Variants in ORC1 observed in about 807,000 individuals in gnomAD.
ORC1 encodes origin recognition complex, subunit 1 homolog.
Under a neutral mutation model 98.9 loss-of-function variants are expected in ORC1, and 61 were observed. The observed-to-expected ratio is 0.62, with a 90% CI of 0.50 to 0.76. The LOEUF is 0.76. Ranked by LOEUF, ORC1 falls within the 30% of genes least tolerant of loss-of-function variation. ORC1 has a pLI of 0.00. For synonymous variants in ORC1, 385 were observed against 406.9 expected, an observed-to-expected ratio of 0.95 and a Z score of 0.65; for missense variants, 979 against 1,072.2, an observed-to-expected ratio of 0.91 and a Z score of 1.21.
intron 3 of ORC1, among the ~76,000 whole-genome samples, chr1:52,399,593 C>T (rs1483335999): frequency 1.5e-5 from 2 of 135,726 alleles, no homozygotes; most frequent in East Asian, 2.1e-4. Flanking sequence ...CACTGCACTC[C>T]AGACTGGGCG....
In ORC1 at chr1:52,396,264, A is replaced by G. The variant is rs1569949027; in HGVS notation, c.503T>C (p.Leu168Pro). Residue 168 changes from leucine to proline, a missense_variant, in exon 5 of 17, where the codon CTT (leucine) becomes CCT (proline). By Grantham distance (98) the Leu-to-Pro change is moderately conservative. Coordinates refer to ENST00000371568, the MANE Select transcript of ORC1 (RefSeq NM_004153.4). ...CAACTCCGCAAATAGTTCTGAGGAA[A>G]GTGGCCTGAATTTCTTCTCATTCCA... ...LSWNEKKFRP[L>P]SSELFAELNK... 2.5e-6 allele frequency: 4 copies of G among 1,614,222 alleles called. No individual in the cohort carries two copies. Among genetic ancestry groups the G allele is most frequent in the Non-Finnish European group, 3.4e-6 (4 of 1,180,040 alleles).
chr1:52,409,443 T>C, the ORC1 span: 7 of 152,360 alleles, frequency 4.6e-5, no homozygotes, highest in Non-Finnish European at 8.8e-5. Context: ...AAACCCTATA[T>C]CTACTAAAAC....
chr1:52,401,578 A>T, intron 2 of ORC1, 89 bp from the exon 3 acceptor site: 1 of 1,474,440 alleles, frequency 6.8e-7, no homozygotes, highest in South Asian at 1.1e-5. Flanking sequence ...AGGGCTCTCC[A>T]ATCCTGATTT....
intron 3 of ORC1, 54 bp downstream of exon 3, chr1:52,401,308 A>G (rs1647693378): frequency 2.5e-6 from 4 of 1,609,142 alleles, no homozygotes; most frequent in Non-Finnish European, 3.4e-6. Context: ...CAATCTCCCC[A>G]CCTCCCAATC....
At chr1:52,403,545 G>A (rs1647833053) in intron 1 of ORC1, among the ~76,000 whole-genome samples, 2 of 152,186 alleles carry the variant, frequency 1.3e-5, no homozygotes, top group Non-Finnish European at 2.9e-5. Context: ...GCAGAGACGA[G>A]GGTACTATTA....
chr1:52,376,833 CAAG>C (rs1557568738), intron 14 of ORC1, among the ~76,000 whole-genome samples: 1 of 152,074 alleles, frequency 6.6e-6, no homozygotes, highest in Non-Finnish European at 1.5e-5. Flanking sequence ...AAGGGAGACA[CAAG>C]AAGAAGCTAA....
Position 52,404,389 on chromosome 1 carries a change from GT to G in ORC1, c.-150del. 5.4e-6 allele frequency: 1 copy of G among 185,174 alleles called. No individual in the cohort carries two copies. The highest frequency in any genetic ancestry group is 5.6e-5 in the Admixed American group (1 of 17,802). The allele number at this position is 185,174 out of a possible 1,614,324, so 11.5% of individuals were successfully genotyped here. On this transcript the variant is annotated 5_prime_UTR_variant, in exon 1 of 17. Transcript: ENST00000371568. ...ACGGGCCGAAAGCCAGGACCAAAGC[GT>G]GTGTCTCACTAGAAATGAAAAGAAG...
At position 52,397,702 on chromosome 1, in the gene ORC1, T is replaced by C. The variant is rs768190281; in HGVS notation, c.385A>G (p.Ile129Val). The change falls in exon 4 of 17, where the codon ATC becomes GTC. Residue 129 changes from isoleucine to valine, a missense_variant. Ile to Val is a conservative substitution (Grantham distance 29). Coordinates refer to ENST00000371568, the MANE Select transcript of ORC1 (RefSeq NM_004153.4). ...TCACCTACCCGAACAAGGCCAATGATGGTCTCCGCATTAATGTTGCTGTCA... is the reference window on the plus strand; with the variant it reads ...TCACCTACCCGAACAAGGCCAATGACGGTCTCCGCATTAATGTTGCTGTCA... ...ACDSNINAET[I>V]IGLVRVIPLA... The C allele has an allele frequency of 1.9e-6, 3 of 1,614,178 alleles. No individual in the cohort carries two copies. Among genetic ancestry groups the C allele is most frequent in the Non-Finnish European group, 2.5e-6 (3 of 1,180,010 alleles).
Position 52,374,896 on chromosome 1 carries a change from T to C in ORC1, c.2305A>G (p.Asn769Asp). 1 of 1,609,906 alleles carries C rather than the reference T, an allele frequency of 6.2e-7. No homozygotes were observed. The highest frequency in any genetic ancestry group is 8.5e-7 in the Non-Finnish European group (1 of 1,176,190). ...AAGCTCTGTTCCAGAACAGAGGAAT[T>C]TCTTAAAGGAAACGAGGGGATGTGA... is the stretch of plus-strand genomic sequence containing the variant. ...FSSSYITAIK[N>D]SSVLEQSFLR... The change falls in exon 16 of 17, where the codon AAT (asparagine) becomes GAT (aspartate). Residue 769 changes from asparagine (N) to aspartate (D), a missense_variant and splice_region_variant. By Grantham distance (23) the Asn-to-Asp change is conservative (BLOSUM62 1). Coordinates refer to ENST00000371568, the MANE Select transcript of ORC1 (RefSeq NM_004153.4).
chr1:52,399,691 C>CCAG (rs1284471159), intron 3 of ORC1, among the ~76,000 whole-genome samples: 4 of 151,278 alleles, frequency 2.6e-5, no homozygotes, highest in Non-Finnish European at 5.9e-5. Context: ...GCCTGTCATC[C>CCAG]CAGCTACTTG....
chr1:52,384,705 C>A lies in ORC1; in HGVS notation c.1600G>T (p.Gly534Cys). The A allele has an allele frequency of 6.2e-7, 1 of 1,613,606 alleles. No individual in the cohort carries two copies. The highest frequency in any genetic ancestry group is 1.1e-5 in the South Asian group (1 of 91,014). The change falls in exon 11 of 17, where the codon GGT becomes TGT. Residue 534 changes from glycine to cysteine, a missense_variant. By Grantham distance (159) the Gly-to-Cys change is radical (BLOSUM62 -3). Coordinates refer to ENST00000371568, the MANE Select transcript of ORC1 (RefSeq NM_004153.4). ...DHTGGCMYIS[G>C]VPGTGKTATV... is the part of the protein sequence containing the mutation. ...GCAGTCTTCCCTGTCCCAGGGACAC[C>A]GGAGATGTACATGCACCTAGAGCAA...
chr1:52,372,933 G>T lies in ORC1; in HGVS notation c.*248C>A. ...ATTCCATGTACTTCCAAAATCAGAT[G>T]CTTTGTAGACTAGCTTGGCAACATG... On this transcript the variant is annotated 3_prime_UTR_variant, in exon 17 of 17. Transcript: ENST00000371568. 4.0e-6 allele frequency: 2 copies of T among 495,400 alleles called. No individual in the cohort carries two copies. The highest frequency in any genetic ancestry group is 7.4e-6 in the Non-Finnish European group (2 of 270,346). 30.7% of individuals were successfully genotyped at this position (495,400 alleles called of 1,614,324 possible).
intron 6 of ORC1, among the ~76,000 whole-genome samples, chr1:52,391,798 T>A (rs1481773086): frequency 2.0e-5 from 3 of 151,324 alleles, no homozygotes; most frequent in Non-Finnish European, 4.4e-5. Flanking sequence ...CTCAGGAGGT[T>A]GAGGCAGGAG....
chr1:52,378,179 T>C (rs1647018642), intron 14 of ORC1, among the ~76,000 whole-genome samples: 1 of 152,076 alleles, frequency 6.6e-6, no homozygotes, highest in African/African-American at 2.4e-5. Context: ...ACCCCGTCTC[T>C]ACTAAAAATA....
chr1:52,387,571 C>T (rs1647159783), intron 8 of ORC1, among the ~76,000 whole-genome samples: 1 of 152,210 alleles, frequency 6.6e-6, no homozygotes, highest in South Asian at 2.1e-4. Context: ...GATTCTCCCG[C>T]CTCAGCCTCC....
upstream of ORC1, chr1:52,408,716 TTG>T: frequency 6.2e-7 from 1 of 1,609,972 alleles, no homozygotes; most frequent in Non-Finnish European, 8.5e-7. Context: ...AGTCTCCTGA[TTG>T]TCATTTTTAA....
chr1:52,397,950 A>T (rs538770475), intron 3 of ORC1, 87 bp from the exon 4 acceptor site: 1 of 1,248,510 alleles, frequency 8.0e-7, no homozygotes, highest in East Asian at 2.3e-5. Context: ...CACTGTGCTT[A>T]ACCCTTGACA....
rs991556452 is a variant in ORC1, at chr1:52,383,315, C to T, written c.2013+105G>A. 3.4e-5 allele frequency: 47 copies of T among 1,374,700 alleles called. 2 individuals carry two copies. The highest frequency in any genetic ancestry group is 5.1e-4 in the Middle Eastern group (2 of 3,958). 85.2% of individuals were successfully genotyped at this position (1,374,700 alleles called of 1,614,324 possible). On this transcript the variant is annotated intron_variant, in intron 13 of 16. Coordinates refer to ENST00000371568, the MANE Select transcript of ORC1 (RefSeq NM_004153.4). ...CCGCCCGCCTTGGCCTCCCAAAGTGCGGGGTTTACAGGCGTGAGCCACCAC... is the reference window on the plus strand; with the variant it reads ...CCGCCCGCCTTGGCCTCCCAAAGTGTGGGGTTTACAGGCGTGAGCCACCAC...
intron 16 of ORC1, 124 bp from the exon 17 acceptor site, chr1:52,373,499 G>A (rs1212175436): frequency 2.5e-6 from 2 of 801,936 alleles, no homozygotes; most frequent in Non-Finnish European, 4.2e-6. Flanking sequence ...ACTCCAGAAG[G>A]CATCAGTTGG....
Sources: gnomAD v4.1 joint callset for allele counts (sites outside exome capture counted in the v4.1 genomes callset) on GRCh38, gnomAD v4.1.1 for gene constraint, MANE v1.5 for transcripts, NCBI Gene and HGNC (gene_info 2026-07-23, HGNC 2026-07-21) for gene names.